CCDC74A: variants seen among roughly 807,000 people sequenced by gnomAD.
CCDC74A encodes the protein coiled-coil domain-containing protein 74A.
A neutral mutation model predicts 37.6 loss-of-function variants in CCDC74A; 38 were observed. The ratio of observed to expected loss-of-function variants is 1.01; its 90% CI spans 0.78 to 1.33. The LOEUF (loss-of-function observed/expected upper bound fraction) is 1.33, where lower values mean the gene tolerates loss of function less well. Among genes scored for constraint, CCDC74A ranks in the 40% most tolerant of loss-of-function variants. The probability of loss-of-function intolerance (pLI) is 0.00; values close to 1 mark genes in which losing one functional copy is unlikely to be tolerated. For missense variants in CCDC74A, 340 were observed against 403.4 expected, an observed-to-expected ratio of 0.84 and a Z score of 1.35; for synonymous variants, 134 against 165.2, an observed-to-expected ratio of 0.81 and a Z score of 1.45.
chr2:131,533,242 C>T (rs754377468), intron 7 of CCDC74A, 27 bp from the exon 8 acceptor site: 32 of 1,611,628 alleles, frequency 2.0e-5, no homozygotes, highest in Admixed American at 5.0e-5. Context: ...GGGATGCTCA[C>T]GGTGACAGTC....
At chr2:131,533,153 C>T (rs1681677985) in intron 7 of CCDC74A, 84 bp downstream of exon 7, 1 of 1,609,988 alleles carries the variant, frequency 6.2e-7, no homozygotes. Flanking sequence ...GGTGGCAGCG[C>T]AGAAGCAGAG....
intron 7 of CCDC74A, 35 bp from the exon 8 acceptor site, chr2:131,533,234 G>A: frequency 3.1e-6 from 5 of 1,611,510 alleles, no homozygotes; most frequent in Middle Eastern, 1.8e-4. Flanking sequence ...CACTCCCGGG[G>A]ATGCTCACGG....
upstream of CCDC74A, among the ~76,000 whole-genome samples, chr2:131,523,198 C>CT (rs1362508742): frequency 1.3e-5 from 2 of 152,220 alleles, no homozygotes; most frequent in East Asian, 3.8e-4. Flanking sequence ...AGCCACCACG[C>CT]TGGAGAGAGG....
chr2:131,526,405 C>T (rs1680325304), upstream of CCDC74A, among the ~76,000 whole-genome samples: 2 of 152,268 alleles, frequency 1.3e-5, no homozygotes, highest in Middle Eastern at 3.4e-3. Context: ...ACTTGGCCTC[C>T]CAAAGTGCTG....
At chr2:131,524,547 T>G (rs1680227248), upstream of CCDC74A, among the ~76,000 whole-genome samples, 1 of 152,100 alleles carries the variant, frequency 6.6e-6, no homozygotes, top group Non-Finnish European at 1.5e-5. Flanking sequence ...GGATCTGTGC[T>G]CTGATTGATG....
chr2:131,525,564 T>A (rs1680268240), upstream of CCDC74A, among the ~76,000 whole-genome samples: 1 of 152,186 alleles, frequency 6.6e-6, no homozygotes, highest in East Asian at 1.9e-4. Context: ...TTTTAGTTTT[T>A]TGAGACAGAA....
intron 2 of CCDC74A, chr2:131,530,108 C>G (rs780720412): frequency 6.5e-7 from 1 of 1,550,310 alleles, no homozygotes; most frequent in South Asian, 1.2e-5. Context: ...GGGCTCTGGA[C>G]ACACTCCATC....
chr2:131,532,951 G>A lies in CCDC74A; in HGVS notation c.752+14G>A, dbSNP rs368729304. On this transcript the variant is annotated intron_variant, in intron 6 of 7. Transcript: ENST00000409856. The stretch of plus-strand genomic sequence containing the variant: ...TAGCTTTCCCAGGTGAGTGCCTGGT[G>A]CACCCCTGCCCCATCCCTGGGGTCC... 2 of 1,613,890 alleles carry A rather than the reference G, an allele frequency of 1.2e-6. No individual in the cohort carries two copies. The highest frequency in any genetic ancestry group is 1.3e-5 in the African/African-American group (1 of 75,046).
upstream of CCDC74A, among the ~76,000 whole-genome samples, chr2:131,525,031 C>T (rs1680249035): frequency 6.6e-6 from 1 of 152,084 alleles, no homozygotes; most frequent in South Asian, 2.1e-4. Context: ...CACTGCACTC[C>T]TGCCTGGATG....
upstream of CCDC74A, among the ~76,000 whole-genome samples, chr2:131,523,634 A>G (rs1248315550): frequency 6.6e-6 from 1 of 151,696 alleles, no homozygotes; most frequent in Non-Finnish European, 1.5e-5. Context: ...AAAAATAAAT[A>G]AAAAATAAAA....
rs767388757 is a variant in CCDC74A, at chr2:131,532,905, C to T, written c.720C>T (p.Pro240=). 3.7e-6 allele frequency: 6 copies of T among 1,613,630 alleles called. No individual in the cohort carries two copies. Among genetic ancestry groups the T allele is most frequent in the Non-Finnish European group, 5.1e-6 (6 of 1,179,714 alleles). ...LKSLLEGSQR[P]QAAPEEASFP... ...CCCTCCTGGAAGGGAGCCAGAGGCC[C>T]CAGGCAGCCCCGGAGGAAGCTAGCT... Residue 240 remains proline, a synonymous_variant, in exon 6 of 8, where the codon CCC becomes CCT. Coordinates refer to ENST00000409856, the MANE Select transcript of CCDC74A (RefSeq NM_001258306.3).
intron 2 of CCDC74A, chr2:131,529,954 C>T (rs1680943900): frequency 2.0e-6 from 3 of 1,506,614 alleles, no homozygotes; most frequent in Admixed American, 2.1e-5. Context: ...CTCCCCAGAC[C>T]TCCCTCCTCC....
At chr2:131,525,844 G>A (rs1371047472), upstream of CCDC74A, among the ~76,000 whole-genome samples, 13 of 147,596 alleles carry the variant, frequency 8.8e-5, no homozygotes, top group Non-Finnish European at 1.8e-4. Context: ...TCAGCTTCCC[G>A]AGTAGCTGGG....
chr2:131,533,003 C>T lies in CCDC74A; in HGVS notation c.753-10C>T, dbSNP rs757984550. ...ATCCACAGCTCACTGCTGACTCTTC[C>T]TTCACCCAGGGACCAAGAAGCCACG... On this transcript the variant is annotated splice_polypyrimidine_tract_variant and intron_variant, in intron 6 of 7. Transcript: ENST00000409856. 3.1e-6 allele frequency: 5 copies of T among 1,613,862 alleles called. No homozygotes were observed. Among genetic ancestry groups the T allele is most frequent in the Admixed American group, 1.7e-5 (1 of 60,006 alleles).
upstream of CCDC74A, among the ~76,000 whole-genome samples, chr2:131,523,152 G>A (rs1044914313): frequency 6.6e-6 from 1 of 152,146 alleles, no homozygotes; most frequent in African/African-American, 2.4e-5. Flanking sequence ...TGATGGGACC[G>A]CCTCCGCATC....
At chr2:131,532,544 C>A (rs750942406) in intron 4 of CCDC74A, 45 bp from the exon 5 acceptor site, 2 of 1,511,048 alleles carry the variant, frequency 1.3e-6, no homozygotes, top group East Asian at 4.6e-5. Context: ...GGTGGTTAGA[C>A]GCACCTGGGC....
At chr2:131,525,280 C>T (rs1680258059), upstream of CCDC74A, among the ~76,000 whole-genome samples, 1 of 152,138 alleles carries the variant, frequency 6.6e-6, no homozygotes, top group Non-Finnish European at 1.5e-5. Context: ...GAAACAAGGT[C>T]TCTCTGTGTT....
At chr2:131,525,573 A>C (rs953988400), upstream of CCDC74A, among the ~76,000 whole-genome samples, 7 of 152,024 alleles carry the variant, frequency 4.6e-5, no homozygotes, top group African/African-American at 1.7e-4. Context: ...TTTGAGACAG[A>C]ATCTCACTCT....
Position 131,528,143 on chromosome 2 carries a change from A to T in CCDC74A, c.173A>T (p.Gln58Leu), listed in dbSNP as rs375878961. The change falls in exon 1 of 8, where the codon CAG becomes CTG. Residue 58 changes from glutamine (Q) to leucine (L), a missense_variant. Gln to Leu is a moderately radical substitution (Grantham distance 113, BLOSUM62 -2). Around this residue, in one of 3 missense-constraint regions of CCDC74A, gnomAD observed 154 missense variants for 153.9 expected, o/e 1.00. Transcript: ENST00000409856. ...AACCTGGACCTGGAGAAAAGCCTGC[A>T]GTTCCTGCAGCAGCAGCACTCGGAG... ...KRNLDLEKSL[Q>L]FLQQQHSEML... The T allele has an allele frequency of 1.7e-5, 28 of 1,613,824 alleles. No individual in the cohort carries two copies. The highest frequency in any genetic ancestry group is 2.4e-5 in the Non-Finnish European group (28 of 1,179,856).
Sources: allele counts gnomAD v4.1 joint callset (sites outside exome capture counted in the v4.1 genomes callset), GRCh38; gene constraint gnomAD v4.1.1; regional missense constraint gnomAD v4.1.1; transcripts MANE v1.5; gene names NCBI Gene and HGNC (gene_info 2026-07-23, HGNC 2026-07-21).